CRYBA4: variants seen among roughly 807,000 people sequenced by gnomAD.
CRYBA4 encodes beta-crystallin A4.
CRYBA4 carries 30 observed loss-of-function variants against 31.7 expected under a neutral mutation model. That is an observed-to-expected ratio of 0.95 (90% CI 0.71 to 1.28). CRYBA4 has a LOEUF of 1.28. Among genes scored for constraint, CRYBA4 ranks in the 50% most tolerant of loss-of-function variants. The pLI, the probability that CRYBA4 is intolerant of heterozygous loss-of-function variation, is 0.00. For synonymous variants in CRYBA4, 102 were observed against 102.3 expected, an observed-to-expected ratio of 1.00 and a Z score of 0.02; for missense variants, 225 against 260.7, an observed-to-expected ratio of 0.86 and a Z score of 0.94.
chr22:26,626,039 T>C (rs1347742599), intron 4 of CRYBA4, among the ~76,000 whole-genome samples: 1 of 152,170 alleles, frequency 6.6e-6, no homozygotes, highest in Non-Finnish European at 1.5e-5. Context: ...TTTACTGCTG[T>C]TTTTGGAGTG....
chr22:26,611,610 G>T, the CRYBA4 span, among the ~76,000 whole-genome samples: 2 of 151,988 alleles, frequency 1.3e-5, no homozygotes, highest in Non-Finnish European at 2.9e-5. Flanking sequence ...GAGTAGCTGG[G>T]ACTACAGGCG....
intron 5 of CRYBA4, among the ~76,000 whole-genome samples, chr22:26,628,891 C>T (rs938680380): frequency 3.9e-5 from 6 of 152,332 alleles, no homozygotes; most frequent in Admixed American, 2.0e-4. Context: ...GTGCTCAACT[C>T]TGAACCAATC....
chr22:26,617,725 C>T (rs1469571634), upstream of CRYBA4, among the ~76,000 whole-genome samples: 1 of 152,032 alleles, frequency 6.6e-6, no homozygotes, highest in East Asian at 1.9e-4. Flanking sequence ...CACTATCTCT[C>T]CCTCATTGTA....
intron 1 of CRYBA4, 66 bp from the exon 2 acceptor site, chr22:26,622,519 G>A: frequency 7.1e-7 from 1 of 1,406,614 alleles, no homozygotes; most frequent in African/African-American, 1.4e-5. Flanking sequence ...GTCCAAGCCA[G>A]CCATCTGCAT....
the CRYBA4 span, among the ~76,000 whole-genome samples, chr22:26,603,186 C>G: frequency 2.0e-5 from 3 of 150,818 alleles, no homozygotes; most frequent in South Asian, 6.3e-4. Flanking sequence ...CACTGGTGAT[C>G]TTGGACATTT....
chr22:26,623,108 T>A, intron 2 of CRYBA4, 126 bp from the exon 3 acceptor site: 1 of 820,518 alleles, frequency 1.2e-6, no homozygotes, highest in Non-Finnish European at 2.1e-6. Context: ...CTTGCCTTCC[T>A]GGCTCCTGGA....
upstream of CRYBA4, among the ~76,000 whole-genome samples, chr22:26,618,660 C>T (rs1929441671): frequency 6.6e-6 from 1 of 152,174 alleles, no homozygotes; most frequent in East Asian, 1.9e-4. Context: ...AGTGAAGGCA[C>T]AGAGAGGTCA....
chr22:26,612,050 C>T, the CRYBA4 span: 2 of 1,544,336 alleles, frequency 1.3e-6, no homozygotes, highest in East Asian at 4.5e-5. Context: ...GAGAGTGTGC[C>T]CCTCCGCCGC....
rs538805095 is a variant in CRYBA4, at chr22:26,629,570, C to T, written c.444-770C>T. 4.6e-5 allele frequency among the ~76,000 whole-genome samples: 7 copies of T among 151,644 alleles called. No homozygotes were observed. The South Asian group carries it at 1.0e-3, about 23-fold the overall frequency. ...CAGCCTGGCCAACATGGTGAAAGCC[C>T]GTCTCTACTAAAAATACAAAAAATT... On this transcript the variant is annotated intron_variant, in intron 5 of 5. Coordinates refer to ENST00000354760, the MANE Select transcript of CRYBA4 (RefSeq NM_001886.3).
upstream of CRYBA4, chr22:26,621,924 C>T: frequency 1.0e-6 from 1 of 983,524 alleles, no homozygotes. Context: ...CTCTTCCCTC[C>T]CTGCCTATAA....
At chr22:26,594,971 C>T in the CRYBA4 span, among the ~76,000 whole-genome samples, 2 of 152,160 alleles carry the variant, frequency 1.3e-5, no homozygotes, top group Non-Finnish European at 2.9e-5. Context: ...TGGTGAGATG[C>T]TCATGTTTTG....
At chr22:26,610,821 G>A in the CRYBA4 span, among the ~76,000 whole-genome samples, 1 of 152,194 alleles carries the variant, frequency 6.6e-6, no homozygotes, top group Non-Finnish European at 1.5e-5. Flanking sequence ...GGGAAACTGA[G>A]GCTTGCACAC....
intron 4 of CRYBA4, among the ~76,000 whole-genome samples, chr22:26,625,951 AGGGAT>A (rs893249850): frequency 2.6e-5 from 4 of 152,014 alleles, no homozygotes; most frequent in Admixed American, 2.6e-4. Flanking sequence ...TCTGGGTACC[AGGGAT>A]GGTAGGGCCA....
At chr22:26,628,201 C>T in intron 4 of CRYBA4, 87 bp from the exon 5 acceptor site, 2 of 1,591,534 alleles carry the variant, frequency 1.3e-6, no homozygotes, top group Middle Eastern at 1.7e-4. Flanking sequence ...ATTTGGGAGA[C>T]AAGGGCAGGG....
chr22:26,595,326 C>A, the CRYBA4 span, among the ~76,000 whole-genome samples: 8 of 152,018 alleles, frequency 5.3e-5, no homozygotes, highest in Non-Finnish European at 8.8e-5. Flanking sequence ...CCTGTAATCC[C>A]AGCACTTTGG....
At position 26,628,416 on chromosome 22, in the gene CRYBA4, C is replaced by G. The variant is rs753399783; in HGVS notation, c.429C>G (p.His143Gln). 1 of 1,613,942 alleles carries G rather than the reference C, an allele frequency of 6.2e-7. No individual in the cohort carries two copies. Among genetic ancestry groups the G allele is most frequent in the Non-Finnish European group, 8.5e-7 (1 of 1,180,012 alleles). ...GWEGNEVGSF[H>Q]VHSGAWVCSQ... ...AAGGCAATGAAGTAGGGTCCTTCCA[C>G]GTCCACTCTGGGGCGTAAGTGTATT... is the stretch of plus-strand genomic sequence containing the variant. Residue 143 changes from histidine (H) to glutamine (Q), a missense_variant, in exon 5 of 6, where the codon CAC (histidine) becomes CAG (glutamine). By Grantham distance (24) the His-to-Gln change is conservative (BLOSUM62 0). Coordinates refer to ENST00000354760, the MANE Select transcript of CRYBA4 (RefSeq NM_001886.3).
chr22:26,624,989 G>A (rs1929658068), intron 3 of CRYBA4, among the ~76,000 whole-genome samples: 1 of 152,228 alleles, frequency 6.6e-6, no homozygotes, highest in Admixed American at 6.5e-5. Flanking sequence ...TGGCCATGCG[G>A]TCGCTCCTTG....
At chr22:26,594,929 C>T in the CRYBA4 span, among the ~76,000 whole-genome samples, 1 of 152,110 alleles carries the variant, frequency 6.6e-6, no homozygotes, top group Admixed American at 6.6e-5. Context: ...AAAAGTGTGG[C>T]TTATCTTTAA....
At chr22:26,601,993 A>G in the CRYBA4 span, 3 of 1,613,702 alleles carry the variant, frequency 1.9e-6, no homozygotes, top group East Asian at 2.2e-5. Flanking sequence ...GGCCCCTTCA[A>G]ACAGGGAGAT....
Sources: gnomAD v4.1 joint callset for allele counts (sites outside exome capture counted in the v4.1 genomes callset) on GRCh38, gnomAD v4.1.1 for gene constraint, MANE v1.5 for transcripts, NCBI Gene and HGNC (gene_info 2026-07-23, HGNC 2026-07-21) for gene names.